Variants in IGHMBP2 observed in about 807,000 individuals in gnomAD.
IGHMBP2 encodes immunoglobulin mu DNA binding protein 2.
A neutral mutation model predicts 96.0 loss-of-function variants in IGHMBP2; 81 were observed. That is an observed-to-expected ratio of 0.84 (90% CI 0.71 to 1.01). The LOEUF is 1.01. Ranked by LOEUF, IGHMBP2 falls within the 50% of genes least tolerant of loss-of-function variation. The probability of loss-of-function intolerance (pLI) is 0.00; values close to 1 mark genes in which losing one functional copy is unlikely to be tolerated. For missense variants in IGHMBP2, 1,227 were observed against 1,306.3 expected, an observed-to-expected ratio of 0.94 and a Z score of 0.94; for synonymous variants, 557 against 548.9, an observed-to-expected ratio of 1.01 and a Z score of -0.21.
intron 13 of IGHMBP2, 187 bp from the exon 14 acceptor site, chr11:68,937,995 T>G: frequency 3.0e-6 from 2 of 661,384 alleles, no homozygotes; most frequent in South Asian, 1.7e-5. Flanking sequence ...GGGGTCTCAC[T>G]CTGTCACTAT....
At chr11:68,930,109 T>C (rs886790739) in intron 8 of IGHMBP2, 1 of 1,185,252 alleles carries the variant, frequency 8.4e-7, no homozygotes, top group Non-Finnish European at 1.1e-6. Flanking sequence ...ACCCTCTGCA[T>C]GGTATCCCTT....
intron 7 of IGHMBP2, chr11:68,926,377 T>C (rs1566437841): frequency 6.6e-6 from 1 of 150,670 alleles, no homozygotes; most frequent in Non-Finnish European, 1.5e-5. Flanking sequence ...TTCAAGCAAT[T>C]CTCCTGCCTC....
chr11:68,937,978 T>TA (rs1481904469), intron 13 of IGHMBP2: 2 of 618,042 alleles, frequency 3.2e-6, no homozygotes, highest in Non-Finnish European at 5.8e-6. Flanking sequence ...TTAGAATTAA[T>TA]AGAGACGGGG....
intron 2 of IGHMBP2, among the ~76,000 whole-genome samples, chr11:68,906,640 CTTTTTTT>C (rs60710565): frequency 1.6e-4 from 19 of 117,582 alleles, no homozygotes; most frequent in East Asian, 1.5e-3. Context: ...CATTTCTTTT[CTTTTTTT>C]TTTTTTTTTT....
At position 68,904,034 on chromosome 11, in the gene IGHMBP2, C is replaced by T. The variant is rs1858070283; in HGVS notation, c.82C>T (p.Arg28Cys). 3 of 1,549,060 alleles carry T rather than the reference C, an allele frequency of 1.9e-6. No individual in the cohort carries two copies. Among genetic ancestry groups the T allele is most frequent in the Admixed American group, 2.0e-5 (1 of 50,956 alleles). Residue 28 changes from arginine (R) to cysteine (C), a missense_variant, in exon 1 of 15, where the codon CGC becomes TGC. By Grantham distance (180) the Arg-to-Cys change is radical. Transcript: ENST00000255078. Reference protein sequence around the residue: ...ELERDAEVEERRSWQENISLK... With the variant: ...ELERDAEVEECRSWQENISLK... Reference sequence around the variant, plus strand: ...TGAGAGAGACGCGGAGGTGGAGGAGCGCAGGTACGGGAGGCCGCCGGCGCC... The same window carrying T: ...TGAGAGAGACGCGGAGGTGGAGGAGTGCAGGTACGGGAGGCCGCCGGCGCC...
intron 7 of IGHMBP2, among the ~76,000 whole-genome samples, chr11:68,918,413 G>A (rs369984819): frequency 6.6e-6 from 1 of 151,848 alleles, no homozygotes; most frequent in East Asian, 1.9e-4. Context: ...ATGCCAATGC[G>A]GGTGGATCAC....
At chr11:68,926,536 T>C (rs1243618300) in intron 7 of IGHMBP2, among the ~76,000 whole-genome samples, 2 of 152,186 alleles carry the variant, frequency 1.3e-5, no homozygotes, top group African/African-American at 2.4e-5. Context: ...CCCAAAGTGC[T>C]GGGATTACAG....
At chr11:68,905,018 G>C (rs1279336504) in intron 1 of IGHMBP2, among the ~76,000 whole-genome samples, 1 of 152,022 alleles carries the variant, frequency 6.6e-6, no homozygotes, top group Non-Finnish European at 1.5e-5. Flanking sequence ...GGATGGTCTC[G>C]ATCTCCTGAC....
At chr11:68,924,437 G>A (rs1369662331) in intron 7 of IGHMBP2, among the ~76,000 whole-genome samples, 1 of 152,352 alleles carries the variant, frequency 6.6e-6, no homozygotes, top group South Asian at 2.1e-4. Context: ...GCCCAGGCCC[G>A]GCTGAACAAG....
intron 7 of IGHMBP2, among the ~76,000 whole-genome samples, chr11:68,928,057 C>T (rs1859139357): frequency 6.6e-6 from 1 of 152,196 alleles, no homozygotes; most frequent in Non-Finnish European, 1.5e-5. Flanking sequence ...TGATTCTGAC[C>T]ATTTGCCGAT....
At chr11:68,925,381 T>G (rs1015576889) in intron 7 of IGHMBP2, among the ~76,000 whole-genome samples, 3 of 152,112 alleles carry the variant, frequency 2.0e-5, no homozygotes, top group Admixed American at 2.0e-4. Context: ...ACTTCTGACC[T>G]CAAATGATGT....
intron 11 of IGHMBP2, 137 bp from the exon 12 acceptor site, chr11:68,935,162 C>T (rs944744444): frequency 3.5e-6 from 4 of 1,143,498 alleles, no homozygotes; most frequent in Non-Finnish European, 5.1e-6. Flanking sequence ...GAAGCCTTTC[C>T]CCATGGGGCT....
chr11:68,922,161 C>CA (rs1248134642), intron 7 of IGHMBP2, among the ~76,000 whole-genome samples: 7 of 151,398 alleles, frequency 4.6e-5, no homozygotes, highest in Non-Finnish European at 7.4e-5. Context: ...ACTAAAAATA[C>CA]AAAAAAATTA....
Position 68,914,848 on chromosome 11 carries a change from T to C in IGHMBP2, c.737T>C (p.Ile246Thr), listed in dbSNP as rs1174705568. 2.5e-6 allele frequency: 4 copies of C among 1,614,112 alleles called. No homozygotes were observed. Residue 246 changes from isoleucine to threonine, a missense_variant, in exon 6 of 15, where the codon ATC becomes ACC. This residue lies in a region of IGHMBP2 where 507 missense variants were observed against 496.9 expected (regional missense o/e 1.02). Coordinates refer to ENST00000255078, the MANE Select transcript of IGHMBP2 (RefSeq NM_002180.3). The stretch of plus-strand genomic sequence containing the variant: ...GTTCTGTGCTGCGCCCCCTCCAACA[T>C]CGCCGTGGACAATCTGGTGGAGCGC... ...LKVLCCAPSN[I>T]AVDNLVERLA... is the part of the protein sequence containing the mutation.
In IGHMBP2 at chr11:68,917,793, A is replaced by G. The variant is rs1163991878; in HGVS notation, c.970A>G (p.Lys324Glu). ...GAAAAGTAATTTTCGAAATGAAATTAAGCTGTTAAGAAAAGAACTGAAGGA... is the reference window on the plus strand; with the variant it reads ...GAAAAGTAATTTTCGAAATGAAATTGAGCTGTTAAGAAAAGAACTGAAGGA... ...REKSNFRNEI[K>E]LLRKELKERE... Residue 324 changes from lysine to glutamate, a missense_variant, in exon 7 of 15, where the codon AAG (lysine) becomes GAG (glutamate). Physicochemically the swap from Lys to Glu is moderately conservative, Grantham distance 56. This residue lies in a region of IGHMBP2 where 507 missense variants were observed against 496.9 expected (regional missense o/e 1.02). Coordinates refer to ENST00000255078, the MANE Select transcript of IGHMBP2 (RefSeq NM_002180.3). 1.2e-6 allele frequency: 2 copies of G among 1,613,304 alleles called. No homozygotes were observed. Among genetic ancestry groups the G allele is most frequent in the Non-Finnish European group, 1.7e-6 (2 of 1,179,352 alleles).
Position 68,938,202 on chromosome 11 carries a change from C to T in IGHMBP2, c.2632C>T (p.Pro878Ser). ...KAKGHPATDL[P>S]TEEDFEALVS... ...TCCAGGACATCCGGCCACAGATCTG[C>T]CCACGGAGGAGGACTTTGAGGCCCT... Residue 878 changes from proline to serine, a missense_variant, in exon 14 of 15, where the codon CCC (proline) becomes TCC (serine). Around this residue, in one of 3 missense-constraint regions of IGHMBP2, gnomAD observed 703 missense variants for 770.3 expected, o/e 0.91. Coordinates refer to ENST00000255078, the MANE Select transcript of IGHMBP2 (RefSeq NM_002180.3). The T allele has an allele frequency of 1.2e-6, 2 of 1,614,094 alleles. No homozygotes were observed. The highest frequency in any genetic ancestry group is 8.5e-7 in the Non-Finnish European group (1 of 1,180,028).
intron 7 of IGHMBP2, among the ~76,000 whole-genome samples, chr11:68,928,148 C>G (rs898200225): frequency 3.9e-5 from 6 of 152,218 alleles, no homozygotes; most frequent in Non-Finnish European, 8.8e-5. Flanking sequence ...GCTTCAAGGA[C>G]AGCACTTGCT....
intron 7 of IGHMBP2, 141 bp from the exon 8 acceptor site, chr11:68,929,042 A>G (rs1275860992): frequency 2.5e-5 from 21 of 847,932 alleles, no homozygotes; most frequent in Non-Finnish European, 2.4e-5. Flanking sequence ...CCAAGTTTTT[A>G]TTACAAGATA....
At position 68,933,266 on chromosome 11, in the gene IGHMBP2, C is replaced by A. The variant is rs73527332; in HGVS notation, c.1236-33C>A. 2.9e-3 allele frequency: 4,665 copies of A among 1,596,810 alleles called. 122 individuals carry two copies. The African/African-American group carries it at 0.055, about 19-fold the overall frequency. ...TCACACCTGGACTCTGGGGCTCAGG[C>A]CTGCCTTCCCCCTTTCTCCCTCCTG... On this transcript the variant is annotated intron_variant, in intron 8 of 14. Coordinates refer to ENST00000255078, the MANE Select transcript of IGHMBP2 (RefSeq NM_002180.3).
Sources: gnomAD v4.1 joint callset for allele counts (sites outside exome capture counted in the v4.1 genomes callset) on GRCh38, gnomAD v4.1.1 for gene constraint, gnomAD v4.1.1 regional missense constraint, MANE v1.5 for transcripts, NCBI Gene and HGNC (gene_info 2026-07-23, HGNC 2026-07-21) for gene names.